The following ATP2B2 variants were observed in gnomAD, a reference collection of about 807,000 sequenced individuals.
ATP2B2 encodes the protein plasma membrane calcium-transporting ATPase 2.
ATP2B2 carries 15 observed loss-of-function variants against 120.0 expected under a neutral mutation model. The ratio of observed to expected loss-of-function variants is 0.12; its 90% CI spans 0.08 to 0.19. The LOEUF (loss-of-function observed/expected upper bound fraction) is 0.19. ATP2B2 is among the 10% of genes least tolerant of loss of function. The pLI, the probability that ATP2B2 is intolerant of heterozygous loss-of-function variation, is 1.00. For missense variants in ATP2B2, 1,045 were observed against 1,719.8 expected, an observed-to-expected ratio of 0.61 and a Z score of 6.94; for synonymous variants, 694 against 700.3, an observed-to-expected ratio of 0.99 and a Z score of 0.14.
At chr3:10,407,093 A>T (rs978764969) in intron 3 of ATP2B2, among the ~76,000 whole-genome samples, 3 of 152,260 alleles carry the variant, frequency 2.0e-5, no homozygotes, top group South Asian at 2.1e-4. Flanking sequence ...CAGTGCGGGA[A>T]GCCTGAGGCC....
intron 1 of ATP2B2, among the ~76,000 whole-genome samples, chr3:10,634,669 T>C (rs970019629): frequency 1.3e-5 from 2 of 152,204 alleles, no homozygotes; most frequent in African/African-American, 4.8e-5. Context: ...TACAAGTCAT[T>C]TGAGTCAGTC....
intron 1 of ATP2B2, among the ~76,000 whole-genome samples, chr3:10,701,905 GT>G (rs1394538334): frequency 6.6e-6 from 1 of 152,058 alleles, no homozygotes; most frequent in East Asian, 1.9e-4. Context: ...AAAAGAGCCA[GT>G]CAGTCTCACC....
At chr3:10,479,903 C>T (rs1193664538) in intron 1 of ATP2B2, among the ~76,000 whole-genome samples, 1 of 152,052 alleles carries the variant, frequency 6.6e-6, no homozygotes, top group Non-Finnish European at 1.5e-5. Context: ...CCAGCCTGGG[C>T]AACATGACAA....
chr3:10,416,523 C>T (rs1259360429), intron 2 of ATP2B2, among the ~76,000 whole-genome samples: 3 of 152,196 alleles, frequency 2.0e-5, no homozygotes, highest in African/African-American at 7.2e-5. Context: ...GAAATCTTGA[C>T]ATCTAGCTCA....
In ATP2B2 at chr3:10,423,728, C is replaced by T. The variant is rs796781861; in HGVS notation, c.200-12913G>A. ...AGCTGCTACCTGTAGCCTCCCAGGA[C>T]GCCTTTCAGAGGCAGTGGATGCAGA... On this transcript the variant is annotated intron_variant, in intron 2 of 22. Transcript: ENST00000360273. Among the ~76,000 whole-genome samples the T allele has an allele frequency of 8.5e-5, 13 of 152,314 alleles. 1 individual carries two copies. The highest frequency in any genetic ancestry group is 7.7e-4 in the East Asian group (4 of 5,184).
chr3:10,463,961 C>T (rs1325606870), intron 1 of ATP2B2, among the ~76,000 whole-genome samples: 2 of 152,164 alleles, frequency 1.3e-5, no homozygotes, highest in Non-Finnish European at 2.9e-5. Flanking sequence ...TCATCCTCTG[C>T]GTCCGCTCTC....
chr3:10,667,768 G>A (rs977605425), intron 1 of ATP2B2, among the ~76,000 whole-genome samples: 21 of 152,266 alleles, frequency 1.4e-4, no homozygotes, highest in African/African-American at 4.3e-4. Flanking sequence ...GAGAGCTGCC[G>A]TTAGAAGGAA....
chr3:10,376,160 T>A (rs2061374805), intron 10 of ATP2B2, among the ~76,000 whole-genome samples: 1 of 152,186 alleles, frequency 6.6e-6, no homozygotes, highest in African/African-American at 2.4e-5. Flanking sequence ...CAAGAGTTCC[T>A]GCCCTTGAGG....
At chr3:10,390,842 C>T (rs1225394782) in intron 5 of ATP2B2, among the ~76,000 whole-genome samples, 1 of 152,176 alleles carries the variant, frequency 6.6e-6, no homozygotes, top group Non-Finnish European at 1.5e-5. Context: ...CTTCTCATCA[C>T]AGGCAGACCC....
intron 1 of ATP2B2, among the ~76,000 whole-genome samples, chr3:10,672,355 C>G (rs547073556): frequency 4.8e-4 from 73 of 152,286 alleles, no homozygotes; most frequent in African/African-American, 1.8e-3. Context: ...TTCTGTCATC[C>G]TGTTCTAATG....
At chr3:10,627,154 C>A (rs1462067917) in intron 1 of ATP2B2, among the ~76,000 whole-genome samples, 1 of 152,248 alleles carries the variant, frequency 6.6e-6, no homozygotes, top group Non-Finnish European at 1.5e-5. Context: ...CTTCCCCATG[C>A]CCCACAGTGT....
At position 10,466,419 on chromosome 3, in the gene ATP2B2, T is replaced by C. The variant is rs548486712; in HGVS notation, c.-319-16557A>G. On this transcript the variant is annotated intron_variant, in intron 1 of 22. Transcript: ENST00000360273. ...TGGGTGTTGAGGTGTGCAGAAAGCA[T>C]GTGCATTTCGGAAATAAGACTCTGT... is the stretch of plus-strand genomic sequence containing the variant. Among the ~76,000 whole-genome samples the C allele has an allele frequency of 1.4e-4, 21 of 152,220 alleles. No homozygotes were observed. In the South Asian group the frequency reaches 2.9e-3, roughly 21 times the overall value.
At chr3:10,468,019 C>A (rs994078150) in intron 1 of ATP2B2, among the ~76,000 whole-genome samples, 1 of 152,224 alleles carries the variant, frequency 6.6e-6, no homozygotes, top group Admixed American at 6.5e-5. Context: ...AGTCCCAAGG[C>A]TGTGCACATG....
At chr3:10,628,998 G>A (rs980726927) in intron 1 of ATP2B2, among the ~76,000 whole-genome samples, 2 of 152,098 alleles carry the variant, frequency 1.3e-5, no homozygotes, top group African/African-American at 2.4e-5. Flanking sequence ...TTGGGCTCCC[G>A]GCCAACGGCA....
At chr3:10,605,515 T>G (rs2069038516) in intron 2 of ATP2B2, among the ~76,000 whole-genome samples, 1 of 152,198 alleles carries the variant, frequency 6.6e-6, no homozygotes, top group Admixed American at 6.5e-5. Flanking sequence ...GGAACAGTTC[T>G]GGGAACCAGA....
At chr3:10,533,842 T>C (rs528690377) in intron 3 of ATP2B2, among the ~76,000 whole-genome samples, 1 of 152,234 alleles carries the variant, frequency 6.6e-6, no homozygotes, top group Admixed American at 6.5e-5. Flanking sequence ...TCAAATGCCA[T>C]AGGGCTTCCA....
At chr3:10,669,214 GAC>G (rs975926679) in intron 1 of ATP2B2, among the ~76,000 whole-genome samples, 49 of 152,170 alleles carry the variant, frequency 3.2e-4, no homozygotes, top group African/African-American at 1.1e-3. Context: ...CCCCAGGCAG[GAC>G]ATGAATGGCG....
intron 2 of ATP2B2, among the ~76,000 whole-genome samples, chr3:10,556,792 A>G (rs1297037419): frequency 6.6e-6 from 1 of 152,240 alleles, no homozygotes; most frequent in Non-Finnish European, 1.5e-5. Flanking sequence ...TATTAATAAC[A>G]AACTCATATT....
chr3:10,696,364 G>T (rs1051365740), intron 1 of ATP2B2, among the ~76,000 whole-genome samples: 20 of 152,124 alleles, frequency 1.3e-4, no homozygotes, highest in Non-Finnish European at 2.9e-5. Flanking sequence ...TGCCTCCCAG[G>T]TATTAAACAT....
Sources: allele counts gnomAD v4.1 joint callset (sites outside exome capture counted in the v4.1 genomes callset), GRCh38; gene constraint gnomAD v4.1.1; transcripts MANE v1.5; gene names NCBI Gene and HGNC (gene_info 2026-07-23, HGNC 2026-07-21).